The following KIF21A variants were observed in gnomAD, a reference collection of about 807,000 sequenced individuals.
KIF21A encodes kinesin-like protein KIF21A.
Under a neutral mutation model 202.9 loss-of-function variants are expected in KIF21A, and 114 were observed. The ratio of observed to expected loss-of-function variants is 0.56; its 90% CI spans 0.48 to 0.66. KIF21A has a LOEUF of 0.66. Ranked by LOEUF, KIF21A falls within the 30% of genes least tolerant of loss-of-function variation. The probability of loss-of-function intolerance (pLI) is 0.00; values close to 1 mark genes in which losing one functional copy is unlikely to be tolerated. For missense variants in KIF21A, 1,677 were observed against 1,994.9 expected, an observed-to-expected ratio of 0.84 and a Z score of 3.04; for synonymous variants, 667 against 670.8, an observed-to-expected ratio of 0.99 and a Z score of 0.09.
At chr12:39,364,327 T>C (rs1286694782) in intron 6 of KIF21A, among the ~76,000 whole-genome samples, 1 of 152,192 alleles carries the variant, frequency 6.6e-6, no homozygotes, top group Non-Finnish European at 1.5e-5. Flanking sequence ...GAAACTCTAC[T>C]AGATATGTCT....
chr12:39,422,869 A>G (rs1954415629), intron 1 of KIF21A, among the ~76,000 whole-genome samples: 1 of 152,196 alleles, frequency 6.6e-6, no homozygotes, highest in South Asian at 2.1e-4. Context: ...GAAAATCATC[A>G]TCTGCCATCA....
chr12:39,342,174 T>G (rs1947500544), intron 12 of KIF21A, 50 bp from the exon 13 acceptor site: 1 of 1,285,932 alleles, frequency 7.8e-7, no homozygotes, highest in South Asian at 1.2e-5. Context: ...AGGAAAATTA[T>G]TCACTTTTTC....
intron 1 of KIF21A, among the ~76,000 whole-genome samples, chr12:39,388,711 C>G (rs376512786): frequency 6.6e-6 from 1 of 152,158 alleles, no homozygotes; most frequent in East Asian, 1.9e-4. Flanking sequence ...TGACAAGAAA[C>G]TTTTACATTT....
intron 27 of KIF21A, chr12:39,321,342 G>A (rs1945230419): frequency 6.6e-6 from 1 of 152,132 alleles, no homozygotes; most frequent in Non-Finnish European, 1.5e-5. Context: ...AAGACAAATA[G>A]ATTACCTGAA....
At chr12:39,375,619 G>A (rs2139305091) in intron 1 of KIF21A, among the ~76,000 whole-genome samples, 1 of 152,110 alleles carries the variant, frequency 6.6e-6, no homozygotes, top group South Asian at 2.1e-4. Context: ...GGATTGAAAG[G>A]GAACAGAGCA....
At chr12:39,318,511 A>G (rs553759089) in intron 28 of KIF21A, among the ~76,000 whole-genome samples, 18 of 152,356 alleles carry the variant, frequency 1.2e-4, no homozygotes, top group African/African-American at 4.1e-4. Flanking sequence ...TGCTCACTTT[A>G]CAGATGAGGA....
In KIF21A at chr12:39,351,911, T is replaced by G; in HGVS notation, c.1539A>C (p.Arg513Ser). 6.2e-7 allele frequency: 1 copy of G among 1,613,536 alleles called. No homozygotes were observed. The highest frequency in any genetic ancestry group is 1.7e-5 in the Admixed American group (1 of 59,982). ...TTGATGATCCGCTGAAATATGGCGC[T>G]CTTGCTGTGGCTCTTGTCAAGTTTT... ...LRKNLTRATA[R>S]APYFSGSSTF... The change falls in exon 11 of 38, where the codon AGA (arginine) becomes AGC (serine). Residue 513 changes from arginine (R) to serine (S), a missense_variant. Physicochemically the swap from Arg to Ser is moderately radical, Grantham distance 110. Transcript: ENST00000361418.
At position 39,356,844 on chromosome 12, in the gene KIF21A, A is replaced by T; in HGVS notation, c.1457T>A (p.Ile486Asn). Residue 486 changes from isoleucine to asparagine, a missense_variant, in exon 10 of 38, where the codon ATC becomes AAC. Around this residue, in one of 3 missense-constraint regions of KIF21A, gnomAD observed 966 missense variants for 1,180.9 expected, o/e 0.82. Transcript: ENST00000361418. ...ACATGAACTATACCTGAGATCTTCG[A>T]TTTCTTTTATATAACTATGAATCAT... ...SNMIHSYIKE[I>N]EDLRAKLLES... 8.2e-7 allele frequency: 1 copy of T among 1,219,592 alleles called. No individual in the cohort carries two copies. Among genetic ancestry groups the T allele is most frequent in the Non-Finnish European group, 1.2e-6 (1 of 823,432 alleles). 75.5% of individuals were successfully genotyped at this position (1,219,592 alleles called of 1,614,324 possible).
rs749918204 is a variant in KIF21A at position 39,332,713 on chromosome 12, G to T, written c.2734C>A (p.Arg912=). The change falls in exon 20 of 38, where the codon CGA becomes AGA. Residue 912 remains arginine, a synonymous_variant. Coordinates refer to ENST00000361418, the MANE Select transcript of KIF21A (RefSeq NM_001173464.2). ...KKYQRKGLTG[R]VFISKTARMK... is the part of the protein sequence containing the mutation. ...CGAGCTGTCTTGGAAATAAACACTCGGCCAGTCAATCCTTTCCTCTGATAT... is the reference window on the plus strand; with the variant it reads ...CGAGCTGTCTTGGAAATAAACACTCTGCCAGTCAATCCTTTCCTCTGATAT... 1.2e-6 allele frequency: 2 copies of T among 1,613,910 alleles called. No individual in the cohort carries two copies. The highest frequency in any genetic ancestry group is 1.7e-6 in the Non-Finnish European group (2 of 1,179,978).
chr12:39,411,781 C>T (rs1953103351), intron 1 of KIF21A, among the ~76,000 whole-genome samples: 1 of 152,174 alleles, frequency 6.6e-6, no homozygotes. Flanking sequence ...AAGTAATCCT[C>T]CCTCTTCGGC....
chr12:39,355,991 T>C (rs1269010804), intron 10 of KIF21A, among the ~76,000 whole-genome samples: 1 of 151,886 alleles, frequency 6.6e-6, no homozygotes, highest in Non-Finnish European at 1.5e-5. Context: ...AAAGATGATC[T>C]CCTCCCGTTT....
At chr12:39,418,247 C>CA (rs1376904824) in intron 1 of KIF21A, among the ~76,000 whole-genome samples, 2 of 150,022 alleles carry the variant, frequency 1.3e-5, no homozygotes, top group African/African-American at 4.9e-5. Context: ...ATCCAGAAAA[C>CA]ATTGATTTTG....
intron 1 of KIF21A, among the ~76,000 whole-genome samples, chr12:39,391,733 C>CGTTGTTGTT (rs35775183): frequency 2.2e-4 from 33 of 150,888 alleles, no homozygotes; most frequent in African/African-American, 7.8e-4. Context: ...CTGCAATTTT[C>CGTTGTTGTT]GTTGTTGTTG....
rs1197352474 is a variant in KIF21A at position 39,304,818 on chromosome 12, T to C, written c.4560+3A>G. 4 of 1,391,700 alleles carry C rather than the reference T, an allele frequency of 2.9e-6. No homozygotes were observed. The highest frequency in any genetic ancestry group is 1.7e-5 in the Admixed American group (1 of 59,586). 86.2% of individuals were successfully genotyped at this position (1,391,700 alleles called of 1,614,324 possible). ...TATAATTCAGAAAGTCTCTTATACA[T>C]ACTTTGATGTAATGATCCTTGGAGC... On this transcript the variant is annotated splice_donor_region_variant and intron_variant, in intron 35 of 37. Coordinates refer to ENST00000361418, the MANE Select transcript of KIF21A (RefSeq NM_001173464.2).
intron 11 of KIF21A, among the ~76,000 whole-genome samples, chr12:39,350,101 T>C (rs1948240053): frequency 6.6e-6 from 1 of 151,992 alleles, no homozygotes; most frequent in South Asian, 2.1e-4. Flanking sequence ...TATCTCTAAT[T>C]ATGTGTCTTT....
chr12:39,327,849 A>G (rs1004606682), intron 24 of KIF21A, among the ~76,000 whole-genome samples: 4 of 152,312 alleles, frequency 2.6e-5, no homozygotes, highest in South Asian at 2.1e-4. Context: ...TTCTTTTCTT[A>G]TCACAATAGC....
chr12:39,319,886 A>T lies in KIF21A; in HGVS notation c.3779+20T>A, dbSNP rs533226145. Reference sequence around the variant, plus strand: ...AGGCATTTAATACAGTCTAGCAGGTAAAAAACATTAGTCACTTACTGCTTT... The same window carrying T: ...AGGCATTTAATACAGTCTAGCAGGTTAAAAACATTAGTCACTTACTGCTTT... On this transcript the variant is annotated intron_variant, in intron 28 of 37. Coordinates refer to ENST00000361418, the MANE Select transcript of KIF21A (RefSeq NM_001173464.2). 35 of 1,396,516 alleles carry T rather than the reference A, an allele frequency of 2.5e-5. No homozygotes were observed. In the East Asian group the frequency reaches 7.6e-4, roughly 30 times the overall value. The allele number at this position is 1,396,516 out of a possible 1,614,324, so 86.5% of individuals were successfully genotyped here. A position where few individuals can be genotyped will look rare whatever the true frequency, so the allele number is the denominator to read the frequency against.
chr12:39,411,356 A>G (rs1477481865), intron 1 of KIF21A, among the ~76,000 whole-genome samples: 3 of 152,208 alleles, frequency 2.0e-5, no homozygotes, highest in East Asian at 3.8e-4. Context: ...CACAGACCTA[A>G]TAAATTAAAA....
chr12:39,305,816 G>A (rs1254398684), intron 34 of KIF21A, among the ~76,000 whole-genome samples: 1 of 152,172 alleles, frequency 6.6e-6, no homozygotes, highest in Non-Finnish European at 1.5e-5. Flanking sequence ...CGATATCACT[G>A]ATGTAATTAC....
Sources: allele counts gnomAD v4.1 joint callset (sites outside exome capture counted in the v4.1 genomes callset), GRCh38; gene constraint gnomAD v4.1.1; regional missense constraint gnomAD v4.1.1; transcripts MANE v1.5; gene names NCBI Gene and HGNC (gene_info 2026-07-23, HGNC 2026-07-21).